TENM1: variants seen among roughly 807,000 people sequenced by gnomAD.
TENM1 encodes teneurin transmembrane protein 1.
A neutral mutation model predicts 174.8 loss-of-function variants in TENM1; 35 were observed. The ratio of observed to expected loss-of-function variants is 0.20; its 90% CI spans 0.15 to 0.27. TENM1 has a LOEUF of 0.27. TENM1 is among the 10% of genes least tolerant of loss of function. The pLI is 1.00. For synonymous variants in TENM1, 781 were observed against 798.7 expected (o/e 0.98, Z 0.37); for missense variants, 1,633 against 2,130.1 (o/e 0.77, Z 4.59).
rs140272092 is a variant in TENM1 at position 124,464,018 on chromosome X, G to A, written c.3950-10527C>T. On this transcript the variant is annotated intron_variant, in intron 22 of 31. Coordinates refer to ENST00000422452, the Ensembl canonical transcript of TENM1. ...ATTTAAGGGTTCTCAGTATATATGG[G>A]CTAAGATAAATGAGGTTTACTAAAT... Among the ~76,000 whole-genome samples, 37 of 110,372 alleles carry A rather than the reference G, an allele frequency of 3.4e-4. 1 individual carries two copies. In the East Asian group the frequency reaches 9.7e-3, roughly 29 times the overall value.
chrX:124,796,637 C>T (rs1168441334), intron 3 of TENM1, among the ~76,000 whole-genome samples: 2 of 111,436 alleles, frequency 1.8e-5, no homozygotes, highest in Non-Finnish European at 3.8e-5. Flanking sequence ...ATATTGTTCT[C>T]TGCTGGGAAG....
chrX:124,781,527 C>T (rs1301056858), intron 3 of TENM1, among the ~76,000 whole-genome samples: 1 of 111,928 alleles, frequency 8.9e-6, no homozygotes, highest in Non-Finnish European at 1.9e-5. Context: ...ATCTATCAAA[C>T]ACTCAATTAT....
the TENM1 span, among the ~76,000 whole-genome samples, chrX:125,050,157 T>TTAA: frequency 9.3e-6 from 1 of 107,774 alleles, no homozygotes; most frequent in Non-Finnish European, 1.9e-5. Context: ...AATCTTTTTA[T>TTAA]TATTATTATT....
At chrX:124,698,909 C>T (rs1203972224) in intron 5 of TENM1, among the ~76,000 whole-genome samples, 1 of 111,547 alleles carries the variant, frequency 9.0e-6, no homozygotes, top group Non-Finnish European at 1.9e-5. Context: ...TATGATAAAT[C>T]AGATATTTTG....
intron 3 of TENM1, among the ~76,000 whole-genome samples, chrX:124,757,575 G>C (rs185008454): frequency 8.9e-6 from 1 of 112,451 alleles, no homozygotes; most frequent in Non-Finnish European, 1.9e-5. Context: ...GAAATCAGCC[G>C]TCTTCTGCGT....
chrX:124,810,904 G>C (rs1007221227), intron 3 of TENM1, among the ~76,000 whole-genome samples: 3 of 111,478 alleles, frequency 2.7e-5, no homozygotes, highest in Non-Finnish European at 3.8e-5. Context: ...TGGATTTATA[G>C]CCAAATGATT....
intron 30 of TENM1, 136 bp downstream of exon 33, chrX:124,383,498 A>T: frequency 1.7e-6 from 1 of 583,188 alleles, no homozygotes; most frequent in Non-Finnish European, 2.7e-6. Flanking sequence ...ACTAAGGAAG[A>T]CAGCAAATGC....
the TENM1 span, among the ~76,000 whole-genome samples, chrX:124,977,963 TGTGTGAGAGA>T: frequency 0.043 from 1,716 of 39,929 alleles, 31 homozygotes; most frequent in Non-Finnish European, 0.059. Flanking sequence ...TGTGTGTGTG[TGTGTGAGAGA>T]GAGAGAGAGA....
chrX:125,007,349 G>GAA, the TENM1 span, among the ~76,000 whole-genome samples: 2 of 97,354 alleles, frequency 2.1e-5, no homozygotes, highest in African/African-American at 3.7e-5. Flanking sequence ...AAAGGAACGA[G>GAA]AAAAAAAAAA....
intron 5 of TENM1, among the ~76,000 whole-genome samples, chrX:124,673,624 G>T (rs2051979402): frequency 9.0e-6 from 1 of 111,613 alleles, no homozygotes; most frequent in Non-Finnish European, 1.9e-5. Context: ...AGTGTCACAG[G>T]AGTGTCTCAG....
chrX:124,955,834 A>G (rs1291952195), intron 1 of TENM1, among the ~76,000 whole-genome samples: 2 of 97,363 alleles, frequency 2.1e-5, no homozygotes, highest in Admixed American at 2.2e-4. Flanking sequence ...CACAGACACC[A>G]TTTCTTTAAA....
chrX:125,073,024 C>T, the TENM1 span, among the ~76,000 whole-genome samples: 1 of 110,993 alleles, frequency 9.0e-6, no homozygotes, highest in Non-Finnish European at 1.9e-5. Context: ...TGCTAGTCTA[C>T]ACAAATATCA....
the TENM1 span, among the ~76,000 whole-genome samples, chrX:124,980,006 G>T: frequency 8.9e-6 from 1 of 111,961 alleles, no homozygotes; most frequent in African/African-American, 3.2e-5. Context: ...TTAGGTTAAA[G>T]AAAGTTTTTA....
the TENM1 span, among the ~76,000 whole-genome samples, chrX:124,998,865 C>G: frequency 0.016 from 1,763 of 111,622 alleles, 42 homozygotes; most frequent in African/African-American, 0.053. Flanking sequence ...ATTACACTTG[C>G]AAACATTTCT....
the TENM1 span, among the ~76,000 whole-genome samples, chrX:124,977,757 A>G: frequency 7.2e-5 from 8 of 110,564 alleles, no homozygotes; most frequent in Non-Finnish European, 1.5e-4. Context: ...TTCTTTCACA[A>G]TGCTCTTGAG....
intron 1 of TENM1, among the ~76,000 whole-genome samples, chrX:124,961,407 C>A (rs749425464): frequency 1.8e-5 from 2 of 111,017 alleles, no homozygotes; most frequent in South Asian, 7.6e-4. Context: ...TTTGGGAGGC[C>A]GAGGCGGGCA....
At chrX:124,951,222 C>G (rs1048882462) in intron 1 of TENM1, among the ~76,000 whole-genome samples, 41 of 111,760 alleles carry the variant, frequency 3.7e-4, no homozygotes, top group African/African-American at 1.3e-3. Flanking sequence ...TTTCCATTCA[C>G]CCCAGTAGTT....
At chrX:124,940,228 T>C (rs372264134) in intron 1 of TENM1, among the ~76,000 whole-genome samples, 23 of 111,705 alleles carry the variant, frequency 2.1e-4, no homozygotes, top group African/African-American at 7.5e-4. Context: ...TCAAAGTCCT[T>C]GCTTAGGATT....
chrX:124,890,949 TATA>T (rs1029605152), intron 3 of TENM1, among the ~76,000 whole-genome samples: 1 of 111,977 alleles, frequency 8.9e-6, no homozygotes, highest in African/African-American at 3.2e-5. Context: ...ATATACATAA[TATA>T]ATATTATTCA....
Sources: allele counts gnomAD v4.1 joint callset (sites outside exome capture counted in the v4.1 genomes callset), GRCh38; gene constraint gnomAD v4.1.1; transcripts MANE v1.5; gene names NCBI Gene and HGNC (gene_info 2026-07-23, HGNC 2026-07-21).